NRG1: variants seen among roughly 807,000 people sequenced by gnomAD.
The protein encoded by NRG1 is neuregulin 1.
A neutral mutation model predicts 63.8 loss-of-function variants in NRG1; 18 were observed. The observed-to-expected ratio is 0.28, with a 90% CI of 0.19 to 0.42. The LOEUF is 0.42. NRG1 is among the 10% of genes least tolerant of loss of function. The pLI, the probability that NRG1 is intolerant of heterozygous loss-of-function variation, is 1.00. For synonymous variants in NRG1, 302 were observed against 301.3 expected (o/e 1.00, Z -0.02); for missense variants, 762 against 814.7 (o/e 0.94, Z 0.79).
rs1469645292 is a variant in NRG1, at chr8:32,389,322, T to G, written c.38-206506T>G. Among the ~76,000 whole-genome samples the G allele has an allele frequency of 2.2e-4, 34 of 152,238 alleles. 1 individual carries two copies. The highest frequency in any genetic ancestry group is 2.2e-3 in the Admixed American group (34 of 15,286). The stretch of plus-strand genomic sequence containing the variant: ...CAGCAGAGATGAGAGATTTTTGCTA[T>G]GCAAAGATTAGATTAATATTGATAT... On this transcript the variant is annotated intron_variant, in intron 1 of 10. Transcript: ENST00000519301.
intron 1 of NRG1, among the ~76,000 whole-genome samples, chr8:32,474,360 T>C (rs1273505507): frequency 6.6e-6 from 1 of 152,114 alleles, no homozygotes; most frequent in Non-Finnish European, 1.5e-5. Flanking sequence ...CAGATGGTGA[T>C]AGTCTCACAG....
chr8:32,342,670 T>C (rs1162779730), intron 1 of NRG1, among the ~76,000 whole-genome samples: 1 of 152,220 alleles, frequency 6.6e-6, no homozygotes, highest in African/African-American at 2.4e-5. Flanking sequence ...ATAGCATAAA[T>C]TTTCTGTATC....
intron 1 of NRG1, among the ~76,000 whole-genome samples, chr8:32,041,809 C>A (rs1226399550): frequency 7.9e-5 from 12 of 152,100 alleles, no homozygotes; most frequent in Non-Finnish European, 1.3e-4. Context: ...CCAAAAAGTA[C>A]CAGGGAAATG....
chr8:31,699,580 A>G (rs1810426430), intron 1 of NRG1, among the ~76,000 whole-genome samples: 1 of 152,142 alleles, frequency 6.6e-6, no homozygotes, highest in Admixed American at 6.5e-5. Flanking sequence ...TTTGCACTTC[A>G]TGCCTGAGTC....
intron 7 of NRG1, among the ~76,000 whole-genome samples, chr8:32,752,490 CTAAT>C (rs1176082848): frequency 2.6e-4 from 39 of 152,216 alleles, no homozygotes; most frequent in Admixed American, 1.0e-3. Context: ...GCTTCGCTTT[CTAAT>C]TGTGGCTTCC....
At chr8:32,210,242 C>T (rs1844553172) in intron 1 of NRG1, among the ~76,000 whole-genome samples, 1 of 151,874 alleles carries the variant, frequency 6.6e-6, no homozygotes, top group Admixed American at 6.6e-5. Flanking sequence ...TGGGTTATAC[C>T]TATCATTTTT....
Position 32,411,750 on chromosome 8 carries a change from G to A in NRG1, c.38-184078G>A, listed in dbSNP as rs114008642. Among the ~76,000 whole-genome samples, 685 of 152,298 alleles carry A rather than the reference G, an allele frequency of 4.5e-3. 10 individuals carry two copies. Among genetic ancestry groups the A allele is most frequent in the African/African-American group, 0.016 (665 of 41,570 alleles). On this transcript the variant is annotated intron_variant, in intron 1 of 10. Transcript: ENST00000519301. ...AGCATACTGAATGTGTATTGCATTT[G>A]CACCATTCTAAAATCAATGTGTCCC...
chr8:32,173,654 A>T (rs1840342282), intron 1 of NRG1, among the ~76,000 whole-genome samples: 1 of 152,212 alleles, frequency 6.6e-6, no homozygotes, highest in Non-Finnish European at 1.5e-5. Flanking sequence ...AGATCTACCA[A>T]ACAAATGGAA....
intron 1 of NRG1, among the ~76,000 whole-genome samples, chr8:32,426,497 C>T (rs1817387745): frequency 4.6e-5 from 7 of 152,158 alleles, no homozygotes; most frequent in Admixed American, 4.6e-4. Flanking sequence ...GACTTGCCTA[C>T]TGTAATGTAT....
chr8:32,763,720 T>G (rs772240178), intron 11 of NRG1, 28 bp from the exon 12 acceptor site: 2 of 1,521,530 alleles, frequency 1.3e-6, no homozygotes, highest in Non-Finnish European at 1.8e-6. Flanking sequence ...TGCACCACAC[T>G]TATGCAGGGT....
chr8:32,731,403 A>G (rs1330845486), intron 6 of NRG1, among the ~76,000 whole-genome samples: 3 of 143,530 alleles, frequency 2.1e-5, no homozygotes, highest in East Asian at 4.3e-4. Context: ...CTAAGAAATT[A>G]CACCTTTTTT....
At chr8:31,849,201 T>C (rs559469329) in intron 1 of NRG1, among the ~76,000 whole-genome samples, 1 of 152,302 alleles carries the variant, frequency 6.6e-6, no homozygotes, top group Admixed American at 6.5e-5. Flanking sequence ...CTAAAGAATA[T>C]AGAGTCAAGA....
chr8:32,064,472 C>T (rs1824413841), intron 1 of NRG1, among the ~76,000 whole-genome samples: 1 of 152,110 alleles, frequency 6.6e-6, no homozygotes, highest in South Asian at 2.1e-4. Context: ...TCTGAGCTGA[C>T]AATTTGCCAT....
intron 5 of NRG1, among the ~76,000 whole-genome samples, chr8:32,722,705 T>G (rs1820954329): frequency 6.6e-6 from 1 of 152,198 alleles, no homozygotes; most frequent in South Asian, 2.1e-4. Flanking sequence ...TGTAAGTAAG[T>G]TTAATTCTTG....
intron 1 of NRG1, among the ~76,000 whole-genome samples, chr8:31,891,986 G>A (rs144853369): frequency 2.0e-5 from 3 of 152,130 alleles, no homozygotes; most frequent in African/African-American, 7.2e-5. Flanking sequence ...GTTGCCAGGG[G>A]TTAAGTAAAG....
At chr8:32,374,103 A>G (rs1809305368) in intron 1 of NRG1, among the ~76,000 whole-genome samples, 1 of 152,188 alleles carries the variant, frequency 6.6e-6, no homozygotes, top group Admixed American at 6.5e-5. Flanking sequence ...CAATGTAGAG[A>G]TCAACCAGCC....
intron 1 of NRG1, among the ~76,000 whole-genome samples, chr8:31,830,351 TTCCTTCCTTCCCTCC>T (rs1825003641): frequency 1.9e-5 from 2 of 105,450 alleles, no homozygotes; most frequent in Non-Finnish European, 3.7e-5. Context: ...CCTTCCTTCC[TTCCTTCCTTCCCTCC>T]TTCCCTCCTT....
intron 1 of NRG1, among the ~76,000 whole-genome samples, chr8:32,527,902 T>C (rs149173433): frequency 2.0e-5 from 3 of 152,270 alleles, no homozygotes; most frequent in Admixed American, 1.3e-4. Flanking sequence ...ACCTTCAGAA[T>C]ATGTCCATTA....
At chr8:32,090,930 A>G (rs920904218) in intron 1 of NRG1, among the ~76,000 whole-genome samples, 1 of 152,186 alleles carries the variant, frequency 6.6e-6, no homozygotes, top group Non-Finnish European at 1.5e-5. Flanking sequence ...TTCACCAAGT[A>G]ATTCCATTTT....
Sources: gnomAD v4.1 joint callset for allele counts (sites outside exome capture counted in the v4.1 genomes callset) on GRCh38, gnomAD v4.1.1 for gene constraint, MANE v1.5 for transcripts, NCBI Gene and HGNC (gene_info 2026-07-23, HGNC 2026-07-21) for gene names.